WIPF1: variants seen among roughly 807,000 people sequenced by gnomAD.
WIPF1 encodes the protein WAS/WASL interacting protein family member 1.
Under a neutral mutation model 35.4 loss-of-function variants are expected in WIPF1, and 13 were observed. That is an observed-to-expected ratio of 0.37 (90% CI 0.24 to 0.58). The LOEUF is 0.58. Ranked by LOEUF, WIPF1 falls within the 20% of genes least tolerant of loss-of-function variation. WIPF1 has a pLI of 0.74. For missense variants in WIPF1, 591 were observed against 667.0 expected (o/e 0.89, Z 1.25); for synonymous variants, 267 against 266.3 (o/e 1.00, Z -0.02).
At chr2:174,621,081 C>A (rs985760044) in intron 1 of WIPF1, among the ~76,000 whole-genome samples, 1 of 152,100 alleles carries the variant, frequency 6.6e-6, no homozygotes, top group East Asian at 1.9e-4. Context: ...GTCAAAGTGG[C>A]GCATTACCAA....
rs1458463798 is a variant in WIPF1, at chr2:174,665,719, A to G, written c.-39+17055T>C. On this transcript the variant is annotated intron_variant, in intron 1 of 8. Transcript: ENST00000272746. ...CTTTTGTTTTTGTTTCTGTTTATCT[A>G]TCCTGTATACACTGGGTCTCAATGA... The G allele has an allele frequency of 2.6e-5, 4 of 152,222 alleles. No homozygotes were observed. In the East Asian group the frequency reaches 7.7e-4, roughly 29 times the overall value. The allele number at this position is 152,222 out of a possible 1,614,324, so 9.4% of individuals were successfully genotyped here.
At chr2:174,644,240 T>C (rs905656391) in intron 1 of WIPF1, among the ~76,000 whole-genome samples, 1 of 152,246 alleles carries the variant, frequency 6.6e-6, no homozygotes, top group Non-Finnish European at 1.5e-5. Context: ...ATCAAATACA[T>C]GTGACCTTTC....
chr2:174,587,992 A>C (rs1163491893), intron 1 of WIPF1, among the ~76,000 whole-genome samples: 1 of 152,226 alleles, frequency 6.6e-6, no homozygotes, highest in Non-Finnish European at 1.5e-5. Context: ...AGTCACCCAT[A>C]GGGCCACATG....
At chr2:174,572,535 C>A in intron 4 of WIPF1, 89 bp from the exon 5 acceptor site, 1 of 1,541,380 alleles carries the variant, frequency 6.5e-7, no homozygotes. Context: ...GACTGGAAGT[C>A]CCTTCCTCAG....
At chr2:174,629,551 G>A (rs1313713434) in intron 1 of WIPF1, 1 of 152,248 alleles carries the variant, frequency 6.6e-6, no homozygotes, top group African/African-American at 2.4e-5. Context: ...AAAGAAGAGG[G>A]AAGAAGAGAA....
intron 1 of WIPF1, among the ~76,000 whole-genome samples, chr2:174,618,640 C>T (rs566340134): frequency 1.1e-4 from 16 of 152,346 alleles, no homozygotes; most frequent in African/African-American, 3.4e-4. Context: ...TCAATTCTCA[C>T]AACCCTGTAA....
chr2:174,562,412 T>C lies in WIPF1; in HGVS notation c.*135A>G. 3.3e-6 allele frequency: 5 copies of C among 1,535,590 alleles called. No individual in the cohort carries two copies. The highest frequency in any genetic ancestry group is 4.4e-6 in the Non-Finnish European group (5 of 1,138,670). On this transcript the variant is annotated 3_prime_UTR_variant, in exon 8 of 8. Transcript: ENST00000679041. ...TTACCGATTCCCACCCACACACGCA[T>C]ATTCCCACTCCCCCTCCCACCTTTC...
chr2:174,667,357 G>T (rs1031449343), intron 1 of WIPF1, among the ~76,000 whole-genome samples: 1 of 152,154 alleles, frequency 6.6e-6, no homozygotes, highest in African/African-American at 2.4e-5. Context: ...GATCATGCAA[G>T]ATCAGGGCTG....
At chr2:174,642,054 A>G (rs1687306590) in intron 1 of WIPF1, among the ~76,000 whole-genome samples, 1 of 152,160 alleles carries the variant, frequency 6.6e-6, no homozygotes, top group Non-Finnish European at 1.5e-5. Flanking sequence ...CAGATTTACC[A>G]TACCATACCA....
intron 1 of WIPF1, among the ~76,000 whole-genome samples, chr2:174,621,534 C>T (rs1158377774): frequency 6.6e-6 from 1 of 152,008 alleles, no homozygotes; most frequent in African/African-American, 2.4e-5. Context: ...TTGGATACTT[C>T]CTCTTGTCTG....
rs1685237387 is a variant in WIPF1, at chr2:174,581,401, C to T, written c.90G>A (p.Gln30=). Residue 30 remains glutamine, a synonymous_variant, in exon 3 of 8, where the codon CAG becomes CAA. Coordinates refer to ENST00000679041, the MANE Select transcript of WIPF1 (RefSeq NM_001375834.1). ...TEKPTLNKTE[Q]AGRNALLSDI... is the part of the protein sequence containing the mutation. ...CAGAAAGGAGAGCATTTCTCCCAGC[C>T]TGCTCTGTCTTATTCAAGGTAGGCT... The T allele has an allele frequency of 1.2e-6, 2 of 1,614,022 alleles. No homozygotes were observed. Among genetic ancestry groups the T allele is most frequent in the Non-Finnish European group, 1.7e-6 (2 of 1,179,972 alleles).
upstream of WIPF1, among the ~76,000 whole-genome samples, chr2:174,598,577 C>T (rs1685896547): frequency 6.6e-6 from 1 of 152,192 alleles, no homozygotes; most frequent in South Asian, 2.1e-4. Flanking sequence ...ATCTTAGCTT[C>T]CCAGATTGCT....
intron 1 of WIPF1, among the ~76,000 whole-genome samples, chr2:174,603,528 G>A (rs1686068719): frequency 6.6e-6 from 1 of 152,214 alleles, no homozygotes; most frequent in Non-Finnish European, 1.5e-5. Context: ...TCTGAGACAG[G>A]AGCCTACTCA....
chr2:174,604,773 T>C (rs1160591387), intron 1 of WIPF1, among the ~76,000 whole-genome samples: 2 of 152,210 alleles, frequency 1.3e-5, no homozygotes, highest in Non-Finnish European at 2.9e-5. Context: ...ATTTATACTT[T>C]AGGGATTTTC....
chr2:174,669,511 G>A (rs985011575), intron 1 of WIPF1, among the ~76,000 whole-genome samples: 1 of 152,196 alleles, frequency 6.6e-6, no homozygotes, highest in Non-Finnish European at 1.5e-5. Context: ...AATAAAGAGG[G>A]TAAATTGCTG....
intron 2 of WIPF1, among the ~76,000 whole-genome samples, chr2:174,581,890 G>A (rs1262739581): frequency 6.6e-6 from 1 of 152,178 alleles, no homozygotes; most frequent in Non-Finnish European, 1.5e-5. Flanking sequence ...AGCAAAAAGA[G>A]TCAGCTGTAT....
intron 1 of WIPF1, among the ~76,000 whole-genome samples, chr2:174,645,539 T>C (rs1299203531): frequency 9.2e-5 from 14 of 152,240 alleles, no homozygotes; most frequent in Admixed American, 3.9e-4. Flanking sequence ...TGGAGTATTA[T>C]GTCATGCAAA....
chr2:174,588,661 G>A (rs1226690519), intron 1 of WIPF1, among the ~76,000 whole-genome samples: 1 of 152,234 alleles, frequency 6.6e-6, no homozygotes, highest in Non-Finnish European at 1.5e-5. Flanking sequence ...GGGAGAAATG[G>A]CAACAGTCAT....
chr2:174,644,431 C>T (rs527990204), intron 1 of WIPF1, among the ~76,000 whole-genome samples: 1 of 129,120 alleles, frequency 7.7e-6, no homozygotes, highest in Non-Finnish European at 1.6e-5. Context: ...ATATTCACTC[C>T]CCCACCCCCC....
Sources: allele counts gnomAD v4.1 joint callset (sites outside exome capture counted in the v4.1 genomes callset), GRCh38; gene constraint gnomAD v4.1.1; transcripts MANE v1.5; gene names NCBI Gene and HGNC (gene_info 2026-07-23, HGNC 2026-07-21).